RARB: variants seen among roughly 807,000 people sequenced by gnomAD.
RARB encodes the protein retinoic acid receptor beta, also known as HBV-activated protein.
RARB carries 17 observed loss-of-function variants against 51.9 expected under a neutral mutation model. The ratio of observed to expected loss-of-function variants is 0.33; its 90% CI spans 0.22 to 0.49. The LOEUF (loss-of-function observed/expected upper bound fraction) is 0.49. Ranked by LOEUF, RARB falls within the 20% of genes least tolerant of loss-of-function variation. RARB has a pLI of 0.99. For missense variants in RARB, 369 were observed against 550.8 expected (o/e 0.67, Z 3.30); for synonymous variants, 215 against 195.4 (o/e 1.10, Z -0.84).
chr3:25,200,509 T>C (rs989043836), intron 5 of RARB, among the ~76,000 whole-genome samples: 1 of 152,258 alleles, frequency 6.6e-6, no homozygotes, highest in South Asian at 2.1e-4. Flanking sequence ...AGACATGAAG[T>C]CCTTGCCCAT....
At chr3:24,905,867 T>C (rs1431431012) in intron 2 of RARB, among the ~76,000 whole-genome samples, 4 of 152,222 alleles carry the variant, frequency 2.6e-5, no homozygotes, top group Non-Finnish European at 5.9e-5. Flanking sequence ...CCATATGCAA[T>C]CTTGACTATT....
At chr3:25,521,549 A>T (rs1698400497) in intron 3 of RARB, among the ~76,000 whole-genome samples, 1 of 152,192 alleles carries the variant, frequency 6.6e-6, no homozygotes, top group Non-Finnish European at 1.5e-5. Context: ...CCTGTAATTC[A>T]TTAATAAATG....
intron 2 of RARB, among the ~76,000 whole-genome samples, chr3:24,867,116 T>C (rs945550190): frequency 6.6e-6 from 1 of 152,154 alleles, no homozygotes; most frequent in African/African-American, 2.4e-5. Context: ...GGGAAGTTTA[T>C]ATTTTTGACC....
intron 2 of RARB, among the ~76,000 whole-genome samples, chr3:24,985,985 A>T (rs2125430200): frequency 6.6e-6 from 1 of 152,362 alleles, no homozygotes; most frequent in South Asian, 2.1e-4. Context: ...ATATGCCATA[A>T]AATATTTATG....
At chr3:25,256,633 T>A (rs1002218216) in intron 5 of RARB, among the ~76,000 whole-genome samples, 1 of 152,040 alleles carries the variant, frequency 6.6e-6, no homozygotes, top group Non-Finnish European at 1.5e-5. Context: ...TAAGTAGAAA[T>A]GTATGACCAA....
intron 3 of RARB, among the ~76,000 whole-genome samples, chr3:25,102,108 A>G (rs1414735967): frequency 6.6e-6 from 1 of 152,052 alleles, no homozygotes; most frequent in Non-Finnish European, 1.5e-5. Flanking sequence ...ATTAGGTACC[A>G]CTCCCAGGCT....
intron 2 of RARB, among the ~76,000 whole-genome samples, chr3:24,926,587 G>T (rs1391783273): frequency 6.6e-6 from 1 of 152,080 alleles, no homozygotes; most frequent in African/African-American, 2.4e-5. Context: ...AGCTAGTGAT[G>T]CTTCGAGGTG....
chr3:24,957,492 G>A (rs1357126458), intron 2 of RARB, among the ~76,000 whole-genome samples: 2 of 152,186 alleles, frequency 1.3e-5, no homozygotes, highest in African/African-American at 4.8e-5. Context: ...TTTTGGGAGA[G>A]TGACCAAAGA....
intron 5 of RARB, among the ~76,000 whole-genome samples, chr3:25,403,434 A>G (rs11707942): frequency 6.6e-6 from 1 of 152,182 alleles, no homozygotes; most frequent in African/African-American, 2.4e-5. Context: ...TAAAAAATAA[A>G]CAATAAAACC....
chr3:25,231,025 A>G (rs989532353), intron 5 of RARB, among the ~76,000 whole-genome samples: 1 of 152,264 alleles, frequency 6.6e-6, no homozygotes, highest in African/African-American at 2.4e-5. Flanking sequence ...TTAGGAAAAT[A>G]AGAAAATCTT....
chr3:25,370,452 C>A (rs1380742236), intron 5 of RARB, among the ~76,000 whole-genome samples: 1 of 152,050 alleles, frequency 6.6e-6, no homozygotes, highest in Admixed American at 6.5e-5. Context: ...TAAGTTGGGC[C>A]TTGAAAAAGG....
chr3:25,510,996 A>C (rs1321766322), intron 3 of RARB, among the ~76,000 whole-genome samples: 1 of 152,196 alleles, frequency 6.6e-6, no homozygotes, highest in Non-Finnish European at 1.5e-5. Context: ...TCTGCAGTCC[A>C]TTTGGTGTTT....
At chr3:24,956,222 C>T (rs1217011153) in intron 2 of RARB, among the ~76,000 whole-genome samples, 2 of 152,270 alleles carry the variant, frequency 1.3e-5, no homozygotes, top group East Asian at 1.9e-4. Context: ...TTGAAGTTCA[C>T]TCTGAGGAGG....
At chr3:25,499,202 C>G (rs1427343555) in intron 2 of RARB, among the ~76,000 whole-genome samples, 1 of 152,154 alleles carries the variant, frequency 6.6e-6, no homozygotes, top group African/African-American at 2.4e-5. Context: ...TAGCTTTGAA[C>G]GTTCTTAGCT....
chr3:25,257,781 G>A (rs113854281), intron 5 of RARB, among the ~76,000 whole-genome samples: 1 of 151,664 alleles, frequency 6.6e-6, no homozygotes, highest in Non-Finnish European at 1.5e-5. Context: ...TCTCTTCCAG[G>A]CTCCTTATTT....
chr3:25,375,793 A>G (rs767205195), intron 5 of RARB, among the ~76,000 whole-genome samples: 79 of 152,138 alleles, frequency 5.2e-4, no homozygotes, highest in Admixed American at 6.6e-5. Context: ...TTGAGATGCT[A>G]TTTGTGGGCA....
At chr3:25,234,397 C>T (rs1232949479) in intron 5 of RARB, among the ~76,000 whole-genome samples, 3 of 152,058 alleles carry the variant, frequency 2.0e-5, no homozygotes, top group African/African-American at 7.3e-5. Context: ...TAAGTTGCAT[C>T]TCCTCTCTCT....
At chr3:25,445,772 A>G (rs920206461) in intron 1 of RARB, among the ~76,000 whole-genome samples, 12 of 152,362 alleles carry the variant, frequency 7.9e-5, no homozygotes, top group African/African-American at 2.6e-4. Flanking sequence ...AACAAGAACA[A>G]AAAAGCAATT....
intron 1 of RARB, chr3:25,441,325 C>T: frequency 2.7e-6 from 1 of 376,302 alleles, no homozygotes; most frequent in Admixed American, 3.3e-5. Context: ...ATTTCTTGCA[C>T]CACATATTGG....
Sources: gnomAD v4.1 joint callset for allele counts (sites outside exome capture counted in the v4.1 genomes callset) on GRCh38, gnomAD v4.1.1 for gene constraint, MANE v1.5 for transcripts, NCBI Gene and HGNC (gene_info 2026-07-23, HGNC 2026-07-21) for gene names.